Variants in TBC1D32 observed in about 807,000 individuals in gnomAD.
TBC1D32 encodes protein broad-minded.
Under a neutral mutation model 170.3 loss-of-function variants are expected in TBC1D32, and 151 were observed. The observed-to-expected ratio is 0.89, with a 90% CI of 0.78 to 1.01. The LOEUF (loss-of-function observed/expected upper bound fraction) is 1.01, where lower values mean the gene tolerates loss of function less well. TBC1D32 is among the 50% of genes least tolerant of loss of function. The pLI is 0.00. For synonymous variants in TBC1D32, 498 were observed against 488.0 expected, an observed-to-expected ratio of 1.02 and a Z score of -0.27; for missense variants, 1,464 against 1,457.1, an observed-to-expected ratio of 1.00 and a Z score of -0.08.
intron 14 of TBC1D32, among the ~76,000 whole-genome samples, chr6:121,279,463 G>A (rs1258791684): frequency 6.6e-6 from 1 of 151,920 alleles, no homozygotes; most frequent in Admixed American, 6.6e-5. Context: ...AATAAATACA[G>A]ATTTTTTTTC....
At chr6:121,250,354 C>A (rs548683890) in intron 17 of TBC1D32, among the ~76,000 whole-genome samples, 1 of 152,136 alleles carries the variant, frequency 6.6e-6, no homozygotes, top group Admixed American at 6.5e-5. Context: ...ACTGACAAAC[C>A]AAATCCAGCA....
chr6:121,173,676 C>T (rs1480282632), intron 22 of TBC1D32, among the ~76,000 whole-genome samples: 1 of 151,874 alleles, frequency 6.6e-6, no homozygotes, highest in African/African-American at 2.4e-5. Flanking sequence ...CAATTACTAA[C>T]AGAAAACTGT....
chr6:121,246,183 T>C (rs763945813), intron 17 of TBC1D32, among the ~76,000 whole-genome samples: 66 of 152,196 alleles, frequency 4.3e-4, no homozygotes, highest in Non-Finnish European at 8.1e-4. Context: ...TCCCTGCCAT[T>C]CCAGTCCTGC....
At chr6:121,290,103 T>A (rs1371575416) in intron 12 of TBC1D32, among the ~76,000 whole-genome samples, 1 of 152,050 alleles carries the variant, frequency 6.6e-6, no homozygotes, top group Non-Finnish European at 1.5e-5. Context: ...GGACTTCATG[T>A]CTAAAACACC....
At chr6:121,285,449 T>G (rs1380194016) in intron 12 of TBC1D32, among the ~76,000 whole-genome samples, 3 of 152,218 alleles carry the variant, frequency 2.0e-5, no homozygotes, top group African/African-American at 7.2e-5. Flanking sequence ...CCCTTAGGTT[T>G]TTGGGGGATC....
chr6:121,133,999 AG>A (rs1393628350), intron 24 of TBC1D32, among the ~76,000 whole-genome samples: 1 of 151,248 alleles, frequency 6.6e-6, no homozygotes, highest in East Asian at 2.0e-4. Flanking sequence ...CTAACAAAAA[AG>A]TTTTAATGTT....
intron 30 of TBC1D32, among the ~76,000 whole-genome samples, chr6:121,101,680 G>C (rs925336034): frequency 7.3e-5 from 11 of 151,680 alleles, no homozygotes; most frequent in Non-Finnish European, 1.6e-4. Flanking sequence ...ACTGGCACAA[G>C]ACAGGGATGC....
intron 24 of TBC1D32, among the ~76,000 whole-genome samples, chr6:121,147,483 A>AT (rs1246314945): frequency 6.6e-6 from 1 of 152,104 alleles, no homozygotes; most frequent in Non-Finnish European, 1.5e-5. Context: ...AACATCTGTT[A>AT]TTTTTTGACT....
intron 21 of TBC1D32, 119 bp from the exon 22 acceptor site, chr6:121,205,282 G>A (rs1792099845): frequency 4.0e-6 from 2 of 496,556 alleles, no homozygotes; most frequent in Non-Finnish European, 7.3e-6. Flanking sequence ...GAAATCACCT[G>A]GGGAGCTGTA....
At chr6:121,114,833 C>T (rs1004903730) in intron 27 of TBC1D32, among the ~76,000 whole-genome samples, 1 of 152,110 alleles carries the variant, frequency 6.6e-6, no homozygotes, top group Non-Finnish European at 1.5e-5. Flanking sequence ...CTTTTGTACT[C>T]ATCACCATGG....
At chr6:121,139,538 G>A (rs1231028444) in intron 24 of TBC1D32, among the ~76,000 whole-genome samples, 1 of 151,920 alleles carries the variant, frequency 6.6e-6, no homozygotes, top group Admixed American at 6.6e-5. Flanking sequence ...CAGTGAATAA[G>A]GATATATATC....
Position 121,126,388 on chromosome 6 carries a change from C to T in TBC1D32, c.2973G>A (p.Val991=), listed in dbSNP as rs749928314. 4 of 1,611,600 alleles carry T rather than the reference C, an allele frequency of 2.5e-6. No homozygotes were observed. In the Admixed American group the frequency reaches 6.7e-5, roughly 27 times the overall value. The change falls in exon 26 of 32, where the codon GTG becomes GTA. Residue 991 remains valine, a synonymous_variant. Transcript: ENST00000398212. ...ATGTTTAAAATGTACCTGTATACTCCACTGAAGGGAAGTAGCATTCAGATG... is the reference window on the plus strand; with the variant it reads ...ATGTTTAAAATGTACCTGTATACTCTACTGAAGGGAAGTAGCATTCAGATG... ...ESPSECYFPS[V]EYTATDANVK...
chr6:121,226,415 T>G (rs1795075547), intron 20 of TBC1D32, among the ~76,000 whole-genome samples: 1 of 152,100 alleles, frequency 6.6e-6, no homozygotes, highest in Admixed American at 6.6e-5. Context: ...GCTACATTAA[T>G]GAGCAGTATC....
At chr6:121,258,163 A>G (rs748184707) in intron 15 of TBC1D32, among the ~76,000 whole-genome samples, 9 of 152,150 alleles carry the variant, frequency 5.9e-5, no homozygotes, top group South Asian at 2.1e-4. Context: ...TGACATTACT[A>G]TAATTACTTA....
chr6:121,187,400 T>C (rs1789337913), intron 22 of TBC1D32, among the ~76,000 whole-genome samples: 1 of 152,138 alleles, frequency 6.6e-6, no homozygotes, highest in Non-Finnish European at 1.5e-5. Flanking sequence ...GCATTCTCAG[T>C]AGTGCCCTTA....
chr6:121,219,720 T>C (rs375080163), intron 21 of TBC1D32, among the ~76,000 whole-genome samples: 4 of 152,240 alleles, frequency 2.6e-5, no homozygotes, highest in African/African-American at 2.4e-5. Flanking sequence ...TCACTTATTA[T>C]ACTTTGCAGA....
At chr6:121,327,659 C>T (rs1369884745) in intron 1 of TBC1D32, among the ~76,000 whole-genome samples, 1 of 152,008 alleles carries the variant, frequency 6.6e-6, no homozygotes, top group Non-Finnish European at 1.5e-5. Context: ...AAAGACATGC[C>T]CCAACTAAAG....
At chr6:121,084,032 AAGG>A (rs1353354048) in intron 31 of TBC1D32, among the ~76,000 whole-genome samples, 7 of 151,942 alleles carry the variant, frequency 4.6e-5, no homozygotes, top group African/African-American at 1.5e-4. Flanking sequence ...ATTCCTATTT[AAGG>A]AGGCTTTTGC....
At chr6:121,332,110 A>G (rs55975505) in intron 1 of TBC1D32, among the ~76,000 whole-genome samples, 20,019 of 152,150 alleles carry the variant, frequency 0.13, 2,098 homozygotes, top group African/African-American at 0.28. Context: ...CAGTATTACA[A>G]GAGTCATTAG....
Sources: gnomAD v4.1 joint callset for allele counts (sites outside exome capture counted in the v4.1 genomes callset) on GRCh38, gnomAD v4.1.1 for gene constraint, MANE v1.5 for transcripts, NCBI Gene and HGNC (gene_info 2026-07-23, HGNC 2026-07-21) for gene names.